Variants in ANKRD12 observed in about 807,000 individuals in gnomAD.
The protein encoded by ANKRD12 is ankyrin repeat domain 12, also known as ankyrin repeat domain-containing protein 12.
In ANKRD12, 85 loss-of-function variants were observed where a neutral mutation model predicts 183.4. The observed-to-expected ratio is 0.46, with a 90% CI of 0.39 to 0.56. The LOEUF (loss-of-function observed/expected upper bound fraction) is 0.56. Among genes scored for constraint, ANKRD12 ranks in the 20% least tolerant of loss-of-function variants. The pLI, the probability that ANKRD12 is intolerant of heterozygous loss-of-function variation, is 0.00. For synonymous variants in ANKRD12, 914 were observed against 800.2 expected (o/e 1.14, Z -2.40); for missense variants, 2,405 against 2,357.1 (o/e 1.02, Z -0.42).
intron 2 of ANKRD12, among the ~76,000 whole-genome samples, chr18:9,191,405 A>G (rs1350124492): frequency 6.6e-6 from 1 of 152,208 alleles, no homozygotes; most frequent in East Asian, 1.9e-4. Context: ...TGATAGTTAC[A>G]CATCACCGTA....
rs1394183867 is a variant in ANKRD12, at chr18:9,195,626, A to C, written c.163A>C (p.Lys55Gln). The C allele has an allele frequency of 1.9e-6, 3 of 1,613,272 alleles. No individual in the cohort carries two copies. Among genetic ancestry groups the C allele is most frequent in the Non-Finnish European group, 2.5e-6 (3 of 1,179,572 alleles). Residue 55 changes from lysine (K) to glutamine (Q), a missense_variant, in exon 3 of 13, where the codon AAA becomes CAA. By Grantham distance (53) the Lys-to-Gln change is moderately conservative. This residue lies in a region of ANKRD12 where 145 missense variants were observed against 145.6 expected (regional missense o/e 1.00). Coordinates refer to ENST00000262126, the MANE Select transcript of ANKRD12 (RefSeq NM_015208.5). ...RSDVSKEMKEKSSMKRKLPFT... is the reference protein window; with the variant it reads ...RSDVSKEMKEQSSMKRKLPFT... ...TGATGTGAGCAAGGAGATGAAAGAGAAATCATCCATGAAACGTAAACTTCC... is the reference window on the plus strand; with the variant it reads ...TGATGTGAGCAAGGAGATGAAAGAGCAATCATCCATGAAACGTAAACTTCC...
chr18:9,209,162 A>G (rs76692222), intron 5 of ANKRD12, among the ~76,000 whole-genome samples: 1,638 of 152,310 alleles, frequency 0.011, 35 homozygotes, highest in African/African-American at 0.038. Context: ...GTTTATTTAT[A>G]TACTGTGTTC....
At chr18:9,167,246 C>G (rs1237646083) in intron 1 of ANKRD12, among the ~76,000 whole-genome samples, 2 of 148,132 alleles carry the variant, frequency 1.4e-5, no homozygotes, top group Non-Finnish European at 2.9e-5. Flanking sequence ...TTTTCCAATT[C>G]TGTGAAGAAA....
intron 1 of ANKRD12, among the ~76,000 whole-genome samples, chr18:9,160,795 A>G (rs1023271811): frequency 6.6e-6 from 1 of 152,248 alleles, no homozygotes; most frequent in African/African-American, 2.4e-5. Flanking sequence ...ATATGAATCA[A>G]GGAGCACCTA....
intron 8 of ANKRD12, among the ~76,000 whole-genome samples, chr18:9,226,102 C>G (rs762970082): frequency 6.6e-6 from 1 of 152,092 alleles, no homozygotes; most frequent in African/African-American, 2.4e-5. Context: ...ATGCCTCCAC[C>G]TGTATAATCC....
intron 1 of ANKRD12, among the ~76,000 whole-genome samples, chr18:9,138,385 T>C (rs2078199258): frequency 6.6e-6 from 1 of 152,132 alleles, no homozygotes; most frequent in African/African-American, 2.4e-5. Flanking sequence ...TGGTGGCGCA[T>C]GTCTGTAATC....
chr18:9,257,484 A>C lies in ANKRD12; in HGVS notation c.4217A>C (p.Glu1406Ala). ...GTAATGGACAGTCCAGTGCATTTAG[A>C]GCCATCTAGTCAGGTTGGTGTGATC... ...NTVMDSPVHL[E>A]PSSQVGVIQN... The change falls in exon 9 of 13, where the codon GAG (glutamate) becomes GCG (alanine). Residue 1406 changes from glutamate (E) to alanine (A), a missense_variant. Glu to Ala is a moderately radical substitution (Grantham distance 107). Coordinates refer to ENST00000262126, the MANE Select transcript of ANKRD12 (RefSeq NM_015208.5). The C allele has an allele frequency of 3.1e-6, 5 of 1,614,132 alleles. No individual in the cohort carries two copies. In the South Asian group the frequency reaches 5.5e-5, roughly 18 times the overall value.
Position 9,285,715 on chromosome 18 carries a change from A to T in ANKRD12, c.*4589A>T, listed in dbSNP as rs1325536348. ...TGCCTCTCTCCAGTCACTACCCCTG[A>T]GGCAGCCACTGTGCTGATTTCCCAT... is the stretch of plus-strand genomic sequence containing the variant. On this transcript the variant is annotated 3_prime_UTR_variant, in exon 13 of 13. Transcript: ENST00000262126. 1 of 152,186 alleles carries T rather than the reference A, an allele frequency of 6.6e-6. No homozygotes were observed. Among genetic ancestry groups the T allele is most frequent in the African/African-American group, 2.4e-5 (1 of 41,450 alleles). 9.4% of individuals were successfully genotyped at this position (152,186 alleles called of 1,614,324 possible). A position where few individuals can be genotyped will look rare whatever the true frequency, so the allele number is the denominator to read the frequency against.
intron 9 of ANKRD12, 57 bp downstream of exon 9, chr18:9,258,988 G>A: frequency 2.0e-6 from 3 of 1,492,570 alleles, no homozygotes; most frequent in Non-Finnish European, 8.9e-7. Flanking sequence ...GAAGTATAAT[G>A]CTAGCCACAT....
chr18:9,229,339 G>A (rs1264517792), intron 8 of ANKRD12, among the ~76,000 whole-genome samples: 1 of 152,116 alleles, frequency 6.6e-6, no homozygotes, highest in African/African-American at 2.4e-5. Flanking sequence ...AAATGACATT[G>A]ATATTTTGAT....
intron 8 of ANKRD12, among the ~76,000 whole-genome samples, chr18:9,238,827 A>C (rs548823644): frequency 6.6e-6 from 1 of 152,314 alleles, no homozygotes; most frequent in South Asian, 2.1e-4. Flanking sequence ...TGAGAAAGAG[A>C]GTAATATTTT....
chr18:9,195,858 G>T (rs902187468), intron 3 of ANKRD12, among the ~76,000 whole-genome samples, 160 bp downstream of exon 3: 24 of 151,950 alleles, frequency 1.6e-4, no homozygotes, highest in African/African-American at 5.6e-4. Context: ...CATCTATCAT[G>T]CCAAGTGTGA....
At chr18:9,176,336 G>A (rs375598044) in intron 1 of ANKRD12, among the ~76,000 whole-genome samples, 52 of 152,082 alleles carry the variant, frequency 3.4e-4, no homozygotes, top group African/African-American at 1.2e-3. Flanking sequence ...CTGTTGCCCA[G>A]GCCAGAGTGC....
At chr18:9,179,690 A>G (rs1301014584) in intron 1 of ANKRD12, among the ~76,000 whole-genome samples, 4 of 151,964 alleles carry the variant, frequency 2.6e-5, no homozygotes, top group Non-Finnish European at 5.9e-5. Context: ...TAATTTTTGT[A>G]TTTTTAGTAG....
At chr18:9,157,837 A>T (rs1264289298) in intron 1 of ANKRD12, among the ~76,000 whole-genome samples, 1 of 152,062 alleles carries the variant, frequency 6.6e-6, no homozygotes, top group Non-Finnish European at 1.5e-5. Context: ...ATGACCAAAG[A>T]TATTAACAAA....
intron 1 of ANKRD12, among the ~76,000 whole-genome samples, chr18:9,147,516 C>T (rs1475122676): frequency 6.6e-6 from 1 of 152,134 alleles, no homozygotes; most frequent in African/African-American, 2.4e-5. Context: ...GATGAACTTT[C>T]CTTTTTCTCT....
At chr18:9,172,141 C>G (rs1006514722) in intron 1 of ANKRD12, among the ~76,000 whole-genome samples, 1 of 151,912 alleles carries the variant, frequency 6.6e-6, no homozygotes, top group Admixed American at 6.5e-5. Context: ...GTGGCCTGGC[C>G]TTTCTCTCTG....
intron 3 of ANKRD12, among the ~76,000 whole-genome samples, chr18:9,203,764 C>A (rs1802319814): frequency 1.3e-5 from 2 of 152,106 alleles, no homozygotes; most frequent in Admixed American, 1.3e-4. Flanking sequence ...GCCACCACAC[C>A]TGTCTAATTT....
chr18:9,201,812 T>G (rs967868766), intron 3 of ANKRD12, among the ~76,000 whole-genome samples: 1 of 150,446 alleles, frequency 6.6e-6, no homozygotes, highest in Non-Finnish European at 1.5e-5. Context: ...GCAAATAGTT[T>G]ACTAGTTTTT....
Sources: allele counts gnomAD v4.1 joint callset (sites outside exome capture counted in the v4.1 genomes callset), GRCh38; gene constraint gnomAD v4.1.1; regional missense constraint gnomAD v4.1.1; transcripts MANE v1.5; gene names NCBI Gene and HGNC (gene_info 2026-07-23, HGNC 2026-07-21).